Variants in SHLD1 observed in about 807,000 individuals in gnomAD.
SHLD1 encodes RINN1-REV7-interacting novel NHEJ regulator 3.
Under a neutral mutation model 5.5 loss-of-function variants are expected in SHLD1, and 3 were observed. The ratio of observed to expected loss-of-function variants is 0.54; its 90% CI spans 0.25 to 1.40. The LOEUF is 1.40. Among genes scored for constraint, SHLD1 ranks in the 40% most tolerant of loss-of-function variants. The pLI is 0.15. For synonymous variants in SHLD1, 92 were observed against 94.3 expected (o/e 0.98, Z 0.14); for missense variants, 210 against 244.4 (o/e 0.86, Z 0.94).
intron 2 of SHLD1, among the ~76,000 whole-genome samples, chr20:5,829,606 A>T (rs1050568666): frequency 6.6e-6 from 1 of 152,218 alleles, no homozygotes; most frequent in African/African-American, 2.4e-5. Flanking sequence ...GTTTTTACGG[A>T]TGCATTTGTT....
intron 2 of SHLD1, among the ~76,000 whole-genome samples, chr20:5,854,872 C>T (rs1247706148): frequency 4.6e-5 from 6 of 130,032 alleles, no homozygotes; most frequent in South Asian, 2.4e-4. Flanking sequence ...CTCTATGACT[C>T]TTTTTTTTTT....
intron 2 of SHLD1, among the ~76,000 whole-genome samples, chr20:5,800,305 T>A (rs1364572174): frequency 6.6e-6 from 1 of 152,266 alleles, no homozygotes; most frequent in African/African-American, 2.4e-5. Context: ...GTGCCTTTTT[T>A]CCTATAAAAA....
chr20:5,784,685 T>A (rs576389761), intron 2 of SHLD1, among the ~76,000 whole-genome samples: 32 of 151,954 alleles, frequency 2.1e-4, no homozygotes, highest in African/African-American at 7.0e-4. Flanking sequence ...CGCCTGACCT[T>A]GTGATCCGCC....
At chr20:5,833,375 C>T (rs1220424449) in intron 2 of SHLD1, among the ~76,000 whole-genome samples, 1 of 152,202 alleles carries the variant, frequency 6.6e-6, no homozygotes, top group East Asian at 1.9e-4. Flanking sequence ...AAATAATACT[C>T]ATTTAAATGA....
chr20:5,760,897 C>T (rs1293551342), intron 1 of SHLD1, among the ~76,000 whole-genome samples: 1 of 151,866 alleles, frequency 6.6e-6, no homozygotes, highest in African/African-American at 2.4e-5. Context: ...AGAGCACAGC[C>T]AATCTGCCCT....
At chr20:5,775,923 A>AATTTTTTTTTTTTTT (rs1985401150) in intron 2 of SHLD1, among the ~76,000 whole-genome samples, 1 of 77,678 alleles carries the variant, frequency 1.3e-5, no homozygotes, top group African/African-American at 6.0e-5. Flanking sequence ...TCAGCTCAGG[A>AATTTTTTTTTTTTTT]TTTTTTTTTT....
intron 2 of SHLD1, among the ~76,000 whole-genome samples, chr20:5,793,580 T>C (rs1476023547): frequency 2.6e-5 from 4 of 152,248 alleles, no homozygotes; most frequent in African/African-American, 4.8e-5. Flanking sequence ...CTCCATTTCT[T>C]AGTATTTTTA....
At chr20:5,774,073 G>A (rs549135209) in intron 2 of SHLD1, among the ~76,000 whole-genome samples, 9 of 152,088 alleles carry the variant, frequency 5.9e-5, no homozygotes, top group South Asian at 2.1e-4. Context: ...GTGTGGTGGC[G>A]GGCGCCTGTA....
At chr20:5,841,211 A>G (rs962050487) in intron 2 of SHLD1, among the ~76,000 whole-genome samples, 1 of 151,852 alleles carries the variant, frequency 6.6e-6, no homozygotes, top group Admixed American at 6.6e-5. Context: ...GTGCACATGC[A>G]TATGTATACA....
In SHLD1 at chr20:5,864,348, G is replaced by A. The variant is rs994316047; in HGVS notation, c.*885G>A. Among the ~76,000 whole-genome samples, 12 of 152,214 alleles carry A rather than the reference G, an allele frequency of 7.9e-5. No homozygotes were observed. The highest frequency in any genetic ancestry group is 3.9e-4 in the Admixed American group (6 of 15,282). ...TTATGCTACGCTAGGCTGATGCCAC[G>A]TGGCCTTGTCAAGTTGTGTTTGAAG... On this transcript the variant is annotated 3_prime_UTR_variant, in exon 3 of 3. Transcript: ENST00000303142.
At chr20:5,788,244 A>T (rs1339400722) in intron 2 of SHLD1, among the ~76,000 whole-genome samples, 1 of 152,112 alleles carries the variant, frequency 6.6e-6, no homozygotes, top group African/African-American at 2.4e-5. Flanking sequence ...AATAAATTGT[A>T]AAAAACAAAA....
chr20:5,857,956 G>A (rs538495274), intron 2 of SHLD1, among the ~76,000 whole-genome samples: 6 of 152,182 alleles, frequency 3.9e-5, no homozygotes, highest in Admixed American at 6.5e-5. Context: ...AAAATTAGCC[G>A]GGCATGGTGG....
At chr20:5,816,147 C>T (rs1235704684) in intron 2 of SHLD1, among the ~76,000 whole-genome samples, 1 of 150,130 alleles carries the variant, frequency 6.7e-6, no homozygotes, top group Admixed American at 6.7e-5. Flanking sequence ...GAATACACAG[C>T]CCATGAATTG....
intron 2 of SHLD1, among the ~76,000 whole-genome samples, chr20:5,795,736 C>G (rs913394629): frequency 6.6e-6 from 1 of 151,654 alleles, no homozygotes; most frequent in African/African-American, 2.4e-5. Flanking sequence ...AATCCCAGCA[C>G]TTTGGGAGGC....
intron 1 of SHLD1, among the ~76,000 whole-genome samples, chr20:5,770,874 T>G (rs150846802): frequency 3.7e-4 from 57 of 152,336 alleles, no homozygotes; most frequent in African/African-American, 1.3e-3. Context: ...TTCATTTTCA[T>G]GGCAAACAGA....
rs182095389 is a variant in SHLD1 at position 5,855,697 on chromosome 20, T to C, written c.179-7327T>C. The stretch of plus-strand genomic sequence containing the variant: ...TGCCAACCACATTTTATTTATCCAT[T>C]TATCTGTTGATAGCTGGGTTGCTTC... On this transcript the variant is annotated intron_variant, in intron 2 of 2. Coordinates refer to ENST00000303142, the MANE Select transcript of SHLD1 (RefSeq NM_152504.4). This position sits in a 1 kb window ranked among gnomAD's most constrained non-coding sequence, Gnocchi z 4.4. Among the ~76,000 whole-genome samples the C allele has an allele frequency of 6.6e-5, 10 of 152,290 alleles. No homozygotes were observed. The highest frequency in any genetic ancestry group is 1.3e-4 in the Non-Finnish European group (9 of 68,018).
intron 2 of SHLD1, among the ~76,000 whole-genome samples, chr20:5,803,651 A>G (rs2122346939): frequency 6.6e-6 from 1 of 152,212 alleles, no homozygotes; most frequent in Non-Finnish European, 1.5e-5. Context: ...CAGGCAGATC[A>G]CAAGGTCAAG....
chr20:5,833,484 TC>T (rs1331804841), intron 2 of SHLD1, among the ~76,000 whole-genome samples: 2 of 152,152 alleles, frequency 1.3e-5, no homozygotes, highest in Non-Finnish European at 2.9e-5. Context: ...TTTTGTTTGT[TC>T]CGCTCTGCCC....
chr20:5,772,982 C>G lies in SHLD1; in HGVS notation c.117C>G (p.Asn39Lys), dbSNP rs376474395. 1.4e-5 allele frequency: 23 copies of G among 1,614,228 alleles called. No homozygotes were observed. Among genetic ancestry groups the G allele is most frequent in the Middle Eastern group, 1.6e-4 (1 of 6,062 alleles). ...TGCAGGGACCCAGCCAAGAAGCCAA[C>G]AGCGAGGCTTTCAGTTCTTTGGAAT... ...YVLQGPSQEA[N>K]SEAFSSLEFH... Residue 39 changes from asparagine (N) to lysine (K), a missense_variant, in exon 2 of 3, where the codon AAC becomes AAG. Asn to Lys is a moderately conservative substitution (Grantham distance 94, BLOSUM62 0). Transcript: ENST00000303142.
Sources: gnomAD v4.1 joint callset for allele counts (sites outside exome capture counted in the v4.1 genomes callset) on GRCh38, gnomAD v4.1.1 for gene constraint, Gnocchi (gnomAD v3.1) non-coding constraint, MANE v1.5 for transcripts, NCBI Gene and HGNC (gene_info 2026-07-23, HGNC 2026-07-21) for gene names.